Variants in KLF12 observed in about 807,000 individuals in gnomAD.
KLF12 encodes KLF transcription factor 12, also known as Krueppel-like factor 12.
Under a neutral mutation model 37.8 loss-of-function variants are expected in KLF12, and 9 were observed. The ratio of observed to expected loss-of-function variants is 0.24; its 90% CI spans 0.14 to 0.42. KLF12 has a LOEUF of 0.42. KLF12 is among the 10% of genes least tolerant of loss of function. The probability of loss-of-function intolerance (pLI) is 1.00; values close to 1 mark genes in which losing one functional copy is unlikely to be tolerated. For synonymous variants in KLF12, 208 were observed against 202.1 expected (o/e 1.03, Z -0.25); for missense variants, 411 against 516.0 (o/e 0.80, Z 1.97).
chr13:74,043,741 G>A (rs1002211266), intron 1 of KLF12, among the ~76,000 whole-genome samples: 1 of 152,178 alleles, frequency 6.6e-6, no homozygotes, highest in African/African-American at 2.4e-5. Context: ...ATATTTATGT[G>A]TTCAATCAAG....
rs146329841 is a variant in KLF12 at position 73,798,157 on chromosome 13, C to T, written c.806+14995G>A. Among the ~76,000 whole-genome samples, 1,055 of 152,176 alleles carry T rather than the reference C, an allele frequency of 6.9e-3. 17 individuals carry two copies. The highest frequency in any genetic ancestry group is 0.024 in the African/African-American group (997 of 41,516). Reference sequence around the variant, plus strand: ...GAAATTATTTTTGAGCTGACAGAAACGAGCAATGGGGAAAAGACACCCTAT... The same window carrying T: ...GAAATTATTTTTGAGCTGACAGAAATGAGCAATGGGGAAAAGACACCCTAT... On this transcript the variant is annotated intron_variant, in intron 5 of 7. Transcript: ENST00000377669.
chr13:74,300,052 T>C, the KLF12 span, among the ~76,000 whole-genome samples: 1 of 152,050 alleles, frequency 6.6e-6, no homozygotes, highest in Non-Finnish European at 1.5e-5. Context: ...AAAAAAACCA[T>C]TGTAAAAAGG....
At chr13:73,887,335 C>G (rs117514421) in intron 3 of KLF12, among the ~76,000 whole-genome samples, 5,773 of 152,266 alleles carry the variant, frequency 0.038, 209 homozygotes, top group Admixed American at 0.1. Flanking sequence ...AATGTTAGAG[C>G]TAGGGCCTGG....
rs568412991 is a variant in KLF12 at position 74,022,571 on chromosome 13, C to T, written c.-31-27518G>A. Among the ~76,000 whole-genome samples, 4 of 152,170 alleles carry T rather than the reference C, an allele frequency of 2.6e-5. No individual in the cohort carries two copies. In the South Asian group the frequency reaches 8.3e-4, roughly 32 times the overall value. On this transcript the variant is annotated intron_variant, in intron 1 of 7. Coordinates refer to ENST00000377669, the MANE Select transcript of KLF12 (RefSeq NM_007249.5). ...CCCCTCACATCTATACTTTTGCAAC[C>T]TTACACTTTCATTCTCATTTCCTTC...
Position 73,689,488 on chromosome 13 carries a change from T to C in KLF12, c.*6002A>G, listed in dbSNP as rs1222033591. The C allele has an allele frequency of 1.3e-5, 2 of 152,194 alleles. No homozygotes were observed. Among genetic ancestry groups the C allele is most frequent in the Non-Finnish European group, 2.9e-5 (2 of 68,020 alleles). The allele number at this position is 152,194 out of a possible 1,614,324, so 9.4% of individuals were successfully genotyped here. ...AGGGTTGGAGAATTTCCAGGGTTCA[T>C]GTCTATTCATATAGTCTCATTGTAT... On this transcript the variant is annotated 3_prime_UTR_variant, in exon 8 of 8. Transcript: ENST00000377669.
chr13:73,937,611 G>A (rs1890007411), intron 3 of KLF12, among the ~76,000 whole-genome samples: 1 of 152,098 alleles, frequency 6.6e-6, no homozygotes, highest in Non-Finnish European at 1.5e-5. Context: ...TCTGGATTGT[G>A]GGTGGCAGGA....
chr13:74,076,883 G>A (rs1874595270), intron 1 of KLF12, among the ~76,000 whole-genome samples: 1 of 152,082 alleles, frequency 6.6e-6, no homozygotes, highest in African/African-American at 2.4e-5. Context: ...ACTTGTAATT[G>A]AGAACCTGTG....
chr13:73,736,356 C>T (rs575102754), intron 6 of KLF12, among the ~76,000 whole-genome samples: 3 of 152,242 alleles, frequency 2.0e-5, no homozygotes, highest in Non-Finnish European at 4.4e-5. Flanking sequence ...ATAAACTATT[C>T]ATCTCAATTC....
chr13:74,078,003 T>C (rs1874662038), intron 1 of KLF12, among the ~76,000 whole-genome samples: 2 of 151,678 alleles, frequency 1.3e-5, no homozygotes, highest in Non-Finnish European at 1.5e-5. Context: ...TTCTTTCATC[T>C]GCCTTTTAGA....
the KLF12 span, among the ~76,000 whole-genome samples, chr13:74,213,298 A>G: frequency 2.6e-5 from 4 of 152,036 alleles, no homozygotes; most frequent in Non-Finnish European, 5.9e-5. Flanking sequence ...GTAAGTAATT[A>G]CTAAATTTTA....
In KLF12 at chr13:73,715,719, G is replaced by A. The variant is rs534025863; in HGVS notation, c.870-194C>T. 2.2e-4 allele frequency among the ~76,000 whole-genome samples: 34 copies of A among 152,070 alleles called. No homozygotes were observed. In the South Asian group the frequency reaches 4.4e-3, roughly 20 times the overall value. ...AAGGCAGGCAGCATGAGTTATTTCC[G>A]GCAAAACACTCCAAGGGAGAGAAAG... On this transcript the variant is annotated intron_variant, in intron 6 of 7. Coordinates refer to ENST00000377669, the MANE Select transcript of KLF12 (RefSeq NM_007249.5).
chr13:74,154,329 C>T, the KLF12 span, among the ~76,000 whole-genome samples: 1 of 152,060 alleles, frequency 6.6e-6, no homozygotes, highest in Non-Finnish European at 1.5e-5. Context: ...AAAATATTAT[C>T]CTCCTTTTAT....
the KLF12 span, among the ~76,000 whole-genome samples, chr13:74,174,586 G>A: frequency 6.6e-6 from 1 of 151,950 alleles, no homozygotes; most frequent in Non-Finnish European, 1.5e-5. Flanking sequence ...CCCACTGAAA[G>A]GCATTCACTG....
At position 73,873,133 on chromosome 13, in the gene KLF12, T is replaced by TTATA. The variant is rs369849689; in HGVS notation, c.124-26764_124-26761dup. Among the ~76,000 whole-genome samples, 1,366 of 151,680 alleles carry TTATA rather than the reference T, an allele frequency of 9.0e-3. 17 individuals carry two copies. Among genetic ancestry groups the TTATA allele is most frequent in the Admixed American group, 0.013 (197 of 15,218 alleles). On this transcript the variant is annotated intron_variant, in intron 3 of 7. Transcript: ENST00000377669. ...AAAGCCTAAAGAAAGAATCTTTATTTTATATATATATATAAACAACATAAT... is the reference window on the plus strand; with the variant it reads ...AAAGCCTAAAGAAAGAATCTTTATTTTATATATATATATATATAAACAACATAAT...
At chr13:73,852,158 T>G (rs1885366745) in intron 3 of KLF12, among the ~76,000 whole-genome samples, 1 of 152,228 alleles carries the variant, frequency 6.6e-6, no homozygotes, top group Non-Finnish European at 1.5e-5. Context: ...ATATTTGTCT[T>G]GCATGAGCCC....
At chr13:74,060,514 G>GTGTGTGTGTGTGTC (rs2138646356) in intron 1 of KLF12, among the ~76,000 whole-genome samples, 1 of 150,832 alleles carries the variant, frequency 6.6e-6, no homozygotes, top group African/African-American at 2.4e-5. Flanking sequence ...GTGTGTGTGT[G>GTGTGTGTGTGTGTC]TGTGTGTGTG....
chr13:73,779,997 T>C (rs113364891), intron 5 of KLF12, among the ~76,000 whole-genome samples: 305 of 152,222 alleles, frequency 2.0e-3, no homozygotes, highest in African/African-American at 7.1e-3. Flanking sequence ...TAACTGGAGT[T>C]TGGAAGTTGG....
At position 73,706,132 on chromosome 13, in the gene KLF12, C is replaced by T. The variant is rs140224764; in HGVS notation, c.1027+9236G>A. ...GTGCCACTGTACTCCTCTAGCCTGG[C>T]GACAGAGTGAGACTCCATCTCAAAA... On this transcript the variant is annotated intron_variant, in intron 7 of 7. Coordinates refer to ENST00000377669, the MANE Select transcript of KLF12 (RefSeq NM_007249.5). 3.3e-3 allele frequency among the ~76,000 whole-genome samples: 500 copies of T among 152,174 alleles called. 7 individuals are homozygous for T. The highest frequency in any genetic ancestry group is 0.032 in the South Asian group (157 of 4,832).
chr13:74,196,470 G>A, the KLF12 span, among the ~76,000 whole-genome samples: 1 of 152,148 alleles, frequency 6.6e-6, no homozygotes, highest in Non-Finnish European at 1.5e-5. Context: ...AGCAAGTAGT[G>A]GGAAAGAAGA....
Sources: gnomAD v4.1 joint callset for allele counts (sites outside exome capture counted in the v4.1 genomes callset) on GRCh38, gnomAD v4.1.1 for gene constraint, MANE v1.5 for transcripts, NCBI Gene and HGNC (gene_info 2026-07-23, HGNC 2026-07-21) for gene names.